The following HDAC9 variants were observed in gnomAD, a reference collection of about 807,000 sequenced individuals.
HDAC9 encodes MEF-2 interacting transcription repressor (MITR) protein.
HDAC9 carries 41 observed loss-of-function variants against 139.4 expected under a neutral mutation model. The ratio of observed to expected loss-of-function variants is 0.29; its 90% CI spans 0.23 to 0.38. HDAC9 has a LOEUF of 0.38. Ranked by LOEUF, HDAC9 falls within the 10% of genes least tolerant of loss-of-function variation. HDAC9 has a pLI of 1.00. For synonymous variants in HDAC9, 517 were observed against 476.2 expected, an observed-to-expected ratio of 1.09 and a Z score of -1.12; for missense variants, 1,147 against 1,297.0, an observed-to-expected ratio of 0.88 and a Z score of 1.78.
chr7:18,139,822 C>T (rs1785757491), intron 1 of HDAC9, among the ~76,000 whole-genome samples: 2 of 152,060 alleles, frequency 1.3e-5, no homozygotes, highest in Admixed American at 6.6e-5. Context: ...GAAGGCAATG[C>T]GATCATGAAA....
intron 1 of HDAC9, among the ~76,000 whole-genome samples, chr7:18,159,762 A>G (rs1204364505): frequency 1.3e-5 from 2 of 152,226 alleles, no homozygotes; most frequent in African/African-American, 4.8e-5. Flanking sequence ...AAACTAGTGT[A>G]TATCAATATA....
intron 6 of HDAC9, among the ~76,000 whole-genome samples, chr7:18,607,447 G>A (rs1835841073): frequency 6.6e-6 from 1 of 152,170 alleles, no homozygotes; most frequent in Non-Finnish European, 1.5e-5. Flanking sequence ...TCTTCAAATA[G>A]CAAATATGGA....
At chr7:18,458,358 A>C (rs150496572) in intron 1 of HDAC9, among the ~76,000 whole-genome samples, 93 of 152,334 alleles carry the variant, frequency 6.1e-4, no homozygotes, top group African/African-American at 2.1e-3. Flanking sequence ...TGCTTCTGAT[A>C]GAAAATGGTT....
At chr7:18,249,695 C>A (rs1383984352) in intron 2 of HDAC9, among the ~76,000 whole-genome samples, 1 of 151,892 alleles carries the variant, frequency 6.6e-6, no homozygotes, top group Non-Finnish European at 1.5e-5. Context: ...AAAGGTATTT[C>A]CATTTTTTTC....
intron 1 of HDAC9, among the ~76,000 whole-genome samples, chr7:18,119,443 C>G (rs1750076546): frequency 6.6e-6 from 1 of 152,160 alleles, no homozygotes; most frequent in Non-Finnish European, 1.5e-5. Flanking sequence ...TTTGTTATGG[C>G]ACAGTAGAGA....
intron 21 of HDAC9, among the ~76,000 whole-genome samples, chr7:18,868,037 T>A (rs1798623634): frequency 6.6e-6 from 1 of 152,226 alleles, no homozygotes. Context: ...CAGCATTTCT[T>A]TGAAATTATT....
At chr7:18,269,791 G>A (rs1179151157) in intron 2 of HDAC9, among the ~76,000 whole-genome samples, 2 of 151,826 alleles carry the variant, frequency 1.3e-5, no homozygotes, top group Non-Finnish European at 2.9e-5. Context: ...TATATGCATG[G>A]GAACCAGGAT....
intron 2 of HDAC9, among the ~76,000 whole-genome samples, chr7:18,531,450 C>G (rs1808901447): frequency 1.3e-5 from 2 of 151,786 alleles, no homozygotes; most frequent in South Asian, 4.2e-4. Flanking sequence ...TAAATTCTTT[C>G]CTGTGATGTG....
chr7:18,155,429 A>G (rs2128122871), intron 1 of HDAC9, among the ~76,000 whole-genome samples: 1 of 152,324 alleles, frequency 6.6e-6, no homozygotes, highest in African/African-American at 2.4e-5. Context: ...GTAGTTGGCA[A>G]GATTTCTTCT....
chr7:18,414,682 A>G (rs1788882058), intron 1 of HDAC9, among the ~76,000 whole-genome samples: 1 of 152,226 alleles, frequency 6.6e-6, no homozygotes, highest in South Asian at 2.1e-4. Context: ...CAGAATATTA[A>G]GAATATCAAT....
intron 2 of HDAC9, among the ~76,000 whole-genome samples, chr7:18,548,815 A>C (rs1288176876): frequency 6.6e-6 from 1 of 152,352 alleles, no homozygotes; most frequent in Non-Finnish European, 1.5e-5. Context: ...TCTCTATGAT[A>C]ATAGCTGGAA....
At chr7:18,703,448 T>C (rs1783657963) in intron 12 of HDAC9, among the ~76,000 whole-genome samples, 1 of 152,216 alleles carries the variant, frequency 6.6e-6, no homozygotes, top group Admixed American at 6.5e-5. Context: ...GGTGAATTTC[T>C]GATTGTACGA....
chr7:18,704,151 C>T (rs1783708383), intron 12 of HDAC9, among the ~76,000 whole-genome samples: 1 of 152,222 alleles, frequency 6.6e-6, no homozygotes, highest in Admixed American at 6.5e-5. Flanking sequence ...GACCCAGTGG[C>T]ACCCAGGCAC....
At chr7:18,472,991 G>A (rs955164273) in intron 1 of HDAC9, among the ~76,000 whole-genome samples, 3 of 152,088 alleles carry the variant, frequency 2.0e-5, no homozygotes, top group Non-Finnish European at 4.4e-5. Context: ...CAATCCATAT[G>A]CACAGCAATC....
chr7:18,455,693 C>G (rs113888427), intron 1 of HDAC9, among the ~76,000 whole-genome samples: 1 of 152,092 alleles, frequency 6.6e-6, no homozygotes, highest in African/African-American at 2.4e-5. Flanking sequence ...CTAATTACAC[C>G]AATAGATTCA....
intron 13 of HDAC9, among the ~76,000 whole-genome samples, chr7:18,734,778 T>C (rs1466721838): frequency 6.6e-6 from 1 of 152,214 alleles, no homozygotes; most frequent in Non-Finnish European, 1.5e-5. Context: ...GGTCAAATGG[T>C]ATTTCTAGCT....
At chr7:18,698,134 T>G (rs957025262) in intron 12 of HDAC9, among the ~76,000 whole-genome samples, 1 of 152,208 alleles carries the variant, frequency 6.6e-6, no homozygotes, top group African/African-American at 2.4e-5. Context: ...AAATTCTTTT[T>G]GATCAGAATT....
intron 2 of HDAC9, among the ~76,000 whole-genome samples, chr7:18,221,848 T>G (rs984746833): frequency 6.6e-6 from 1 of 152,160 alleles, no homozygotes; most frequent in Non-Finnish European, 1.5e-5. Context: ...ATTCACTAAA[T>G]TGGGTAGTGA....
intron 1 of HDAC9, chr7:18,162,193 T>C (rs1332863036): frequency 4.0e-6 from 3 of 757,750 alleles, no homozygotes; most frequent in Non-Finnish European, 6.6e-6. Flanking sequence ...TTGATATAGC[T>C]TGTATCTTAA....
Sources: allele counts gnomAD v4.1 joint callset (sites outside exome capture counted in the v4.1 genomes callset), GRCh38; gene constraint gnomAD v4.1.1; transcripts MANE v1.5; gene names NCBI Gene and HGNC (gene_info 2026-07-23, HGNC 2026-07-21).